METTL16: variants seen among roughly 807,000 people sequenced by gnomAD.
METTL16 encodes RNA N(6)-adenosine-methyltransferase METTL16.
In METTL16, 19 loss-of-function variants were observed where a neutral mutation model predicts 57.9. The observed-to-expected ratio is 0.33, with a 90% CI of 0.23 to 0.48. The LOEUF (loss-of-function observed/expected upper bound fraction) is 0.48. Among genes scored for constraint, METTL16 ranks in the 20% least tolerant of loss-of-function variants. The probability of loss-of-function intolerance (pLI) is 0.99; values close to 1 mark genes in which losing one functional copy is unlikely to be tolerated. For synonymous variants in METTL16, 246 were observed against 255.6 expected (o/e 0.96, Z 0.36); for missense variants, 434 against 691.5 (o/e 0.63, Z 4.18).
Position 2,419,866 on chromosome 17 carries a change from C to T in METTL16, c.*104G>A. Reference sequence around the variant, plus strand: ...AGGTTTTTGTTTTCGAAGATAATTCCACATCGTGCTACTAATGGGCCGCTG... The same window carrying T: ...AGGTTTTTGTTTTCGAAGATAATTCTACATCGTGCTACTAATGGGCCGCTG... On this transcript the variant is annotated 3_prime_UTR_variant, in exon 10 of 10. Coordinates refer to ENST00000263092, the MANE Select transcript of METTL16 (RefSeq NM_024086.4). The T allele has an allele frequency of 7.2e-7, 1 of 1,382,884 alleles. No homozygotes were observed. The highest frequency in any genetic ancestry group is 2.3e-5 in the East Asian group (1 of 43,580). The allele number at this position is 1,382,884 out of a possible 1,614,324, so 85.7% of individuals were successfully genotyped here.
intron 2 of METTL16, among the ~76,000 whole-genome samples, chr17:2,495,573 T>C (rs2067438186): frequency 6.7e-6 from 1 of 149,808 alleles, no homozygotes; most frequent in Admixed American, 6.7e-5. Flanking sequence ...TGCGCACCTG[T>C]AATCCCAGCT....
chr17:2,447,704 A>AG (rs1165548770), intron 6 of METTL16, among the ~76,000 whole-genome samples: 17 of 58,404 alleles, frequency 2.9e-4, no homozygotes, highest in East Asian at 2.5e-3. Context: ...GGGAGGGGGG[A>AG]GGGGGGGTCA....
intron 2 of METTL16, among the ~76,000 whole-genome samples, chr17:2,489,600 G>T (rs910038213): frequency 4.0e-5 from 6 of 151,714 alleles, no homozygotes; most frequent in African/African-American, 1.5e-4. Flanking sequence ...TTAGCTGGGC[G>T]TGGTGGCACG....
intron 2 of METTL16, among the ~76,000 whole-genome samples, chr17:2,493,539 TA>T (rs2067417494): frequency 6.6e-6 from 1 of 151,658 alleles, no homozygotes; most frequent in African/African-American, 2.4e-5. Flanking sequence ...ACCAACATGG[TA>T]AAACCCCATC....
chr17:2,440,544 G>A (rs2066941652), intron 7 of METTL16, among the ~76,000 whole-genome samples: 1 of 151,290 alleles, frequency 6.6e-6, no homozygotes, highest in South Asian at 2.1e-4. Flanking sequence ...ACTGCGCCCA[G>A]CCCGACCCCA....
intron 6 of METTL16, among the ~76,000 whole-genome samples, chr17:2,460,731 C>T: frequency 6.6e-6 from 1 of 152,018 alleles, no homozygotes; most frequent in South Asian, 2.1e-4. Flanking sequence ...ACTAAAAATA[C>T]AAAATTAGCT....
intron 6 of METTL16, among the ~76,000 whole-genome samples, chr17:2,447,371 C>T (rs1281569581): frequency 1.5e-5 from 2 of 135,550 alleles, no homozygotes; most frequent in African/African-American, 3.5e-5. Context: ...AAGTGAGGAG[C>T]CCCTCCGTCC....
intron 6 of METTL16, among the ~76,000 whole-genome samples, chr17:2,443,458 G>A (rs575703447): frequency 6.6e-6 from 1 of 150,618 alleles, no homozygotes; most frequent in South Asian, 2.1e-4. Flanking sequence ...ATCTTATAAG[G>A]CCAGTATTAC....
chr17:2,470,085 C>T (rs2067226086), intron 4 of METTL16, among the ~76,000 whole-genome samples: 1 of 152,136 alleles, frequency 6.6e-6, no homozygotes, highest in Admixed American at 6.6e-5. Flanking sequence ...TGTTCCTGTT[C>T]AAAGACACTT....
intron 2 of METTL16, among the ~76,000 whole-genome samples, chr17:2,490,905 A>G (rs1251637179): frequency 6.6e-6 from 1 of 152,248 alleles, no homozygotes; most frequent in Non-Finnish European, 1.5e-5. Context: ...ACAAGGAACT[A>G]TATCCTAAAA....
At chr17:2,497,337 G>C (rs929378607) in intron 2 of METTL16, among the ~76,000 whole-genome samples, 7 of 86,520 alleles carry the variant, frequency 8.1e-5, no homozygotes, top group Admixed American at 1.6e-4. Flanking sequence ...TTTTGAGATA[G>C]GATCTCACTC....
intron 2 of METTL16, 51 bp from the exon 3 acceptor site, chr17:2,477,936 T>C (rs761340168): frequency 2.0e-6 from 3 of 1,505,726 alleles, no homozygotes; most frequent in African/African-American, 1.4e-5. Flanking sequence ...TTCACTATGT[T>C]GTACAAGCTC....
rs760960854 is a variant in METTL16, at chr17:2,419,984, C to A, written c.1675G>T (p.Val559Phe). Residue 559 changes from valine to phenylalanine, a missense_variant, in exon 10 of 10, where the codon GTT becomes TTT. This residue lies in a region of METTL16 where 26 missense variants were observed against 60.7 expected (regional missense o/e 0.43). Coordinates refer to ENST00000263092, the MANE Select transcript of METTL16 (RefSeq NM_024086.4). The part of the protein sequence containing the change: ...TYIRNQIFRL[V>F]AVN ...GCAGGAGGTTTCTAGTTAACTGCAA[C>A]AAGCCTGAAAATTTGGTTACGTATG... The A allele has an allele frequency of 7.4e-6, 12 of 1,614,032 alleles. No homozygotes were observed. Among genetic ancestry groups the A allele is most frequent in the Non-Finnish European group, 8.5e-6 (10 of 1,180,002 alleles).
chr17:2,474,335 ACTG>A (rs1384985377), intron 3 of METTL16, among the ~76,000 whole-genome samples: 1 of 151,530 alleles, frequency 6.6e-6, no homozygotes, highest in Non-Finnish European at 1.5e-5. Context: ...ATTATATTAA[ACTG>A]CTGAATTACC....
intron 1 of METTL16, among the ~76,000 whole-genome samples, chr17:2,510,955 G>T (rs2067582799): frequency 1.3e-5 from 2 of 152,208 alleles, no homozygotes; most frequent in South Asian, 2.1e-4. Context: ...TCTCCCGTCA[G>T]TAAGTTTCAA....
intron 2 of METTL16, among the ~76,000 whole-genome samples, chr17:2,491,593 T>G (rs1017315333): frequency 8.5e-5 from 13 of 152,166 alleles, no homozygotes; most frequent in Non-Finnish European, 1.5e-4. Context: ...ACAAATCAGT[T>G]GGCCGGGCAC....
intron 2 of METTL16, among the ~76,000 whole-genome samples, chr17:2,478,154 C>T (rs909694618): frequency 5.9e-5 from 9 of 152,306 alleles, no homozygotes; most frequent in Admixed American, 5.2e-4. Context: ...CCTGTCTCGT[C>T]GTCTCCTCAC....
chr17:2,500,433 A>G (rs944265801), intron 2 of METTL16, among the ~76,000 whole-genome samples: 23 of 152,190 alleles, frequency 1.5e-4, no homozygotes, highest in Non-Finnish European at 2.8e-4. Flanking sequence ...GGCTTGCGCC[A>G]CCACACCCAG....
intron 1 of METTL16, among the ~76,000 whole-genome samples, chr17:2,505,272 A>C (rs994707899): frequency 1.3e-5 from 2 of 151,778 alleles, no homozygotes; most frequent in African/African-American, 2.4e-5. Flanking sequence ...GTTAGCCAAA[A>C]ATCTAGGAGT....
Sources: gnomAD v4.1 joint callset for allele counts (sites outside exome capture counted in the v4.1 genomes callset) on GRCh38, gnomAD v4.1.1 for gene constraint, gnomAD v4.1.1 regional missense constraint, MANE v1.5 for transcripts, NCBI Gene and HGNC (gene_info 2026-07-23, HGNC 2026-07-21) for gene names.